Variants in DLGAP2 observed in about 807,000 individuals in gnomAD.
DLGAP2 encodes the protein disks large-associated protein 2.
Under a neutral mutation model 100.3 loss-of-function variants are expected in DLGAP2, and 26 were observed. The ratio of observed to expected loss-of-function variants is 0.26; its 90% CI spans 0.19 to 0.36. The LOEUF is 0.36. Among genes scored for constraint, DLGAP2 ranks in the 10% least tolerant of loss-of-function variants. The pLI, the probability that DLGAP2 is intolerant of heterozygous loss-of-function variation, is 1.00. For synonymous variants in DLGAP2, 886 were observed against 630.1 expected, an observed-to-expected ratio of 1.41 and a Z score of -6.08; for missense variants, 1,858 against 1,453.2, an observed-to-expected ratio of 1.28 and a Z score of -4.53.
intron 8 of DLGAP2, among the ~76,000 whole-genome samples, chr8:1,633,627 A>G (rs1401515270): frequency 4.6e-5 from 7 of 152,212 alleles, no homozygotes; most frequent in African/African-American, 1.4e-4. Flanking sequence ...TCACTGCCTA[A>G]TATTTTACTG....
intron 2 of DLGAP2, among the ~76,000 whole-genome samples, chr8:930,466 CA>C (rs2129003263): frequency 6.6e-6 from 1 of 152,312 alleles, no homozygotes; most frequent in East Asian, 1.9e-4. Flanking sequence ...CATCAGAAGC[CA>C]GGGGGTGAGA....
intron 1 of DLGAP2, among the ~76,000 whole-genome samples, chr8:827,638 A>T (rs1241140884): frequency 6.6e-6 from 1 of 152,252 alleles, no homozygotes; most frequent in Non-Finnish European, 1.5e-5. Flanking sequence ...TTGAAATAAG[A>T]TAAATGATAG....
At chr8:1,536,340 C>T (rs931400793) in intron 4 of DLGAP2, among the ~76,000 whole-genome samples, 3 of 152,048 alleles carry the variant, frequency 2.0e-5, no homozygotes, top group South Asian at 4.1e-4. Context: ...AGCACCATGC[C>T]GACGACCATG....
intron 3 of DLGAP2, among the ~76,000 whole-genome samples, chr8:1,284,802 G>T (rs1051789318): frequency 5.9e-5 from 9 of 152,096 alleles, no homozygotes; most frequent in Non-Finnish European, 2.9e-5. Context: ...TGAGAGATGA[G>T]GTCTCACTGT....
At chr8:1,202,643 G>A (rs530614108) in intron 2 of DLGAP2, among the ~76,000 whole-genome samples, 2 of 152,260 alleles carry the variant, frequency 1.3e-5, no homozygotes, top group East Asian at 1.9e-4. Flanking sequence ...GGGGATGGGG[G>A]GCCAGGCAAT....
In DLGAP2 at chr8:1,467,213, C is replaced by T. The variant is rs142875175; in HGVS notation, c.107-34153C>T. On this transcript the variant is annotated intron_variant, in intron 3 of 14. Coordinates refer to ENST00000637795, the MANE Select transcript of DLGAP2 (RefSeq NM_001346810.2). ...GGAGGTCTCTCATCGTCATGCATGG[C>T]TTCTCTGTTGGATGTCACTGAGTGT... Among the ~76,000 whole-genome samples the T allele has an allele frequency of 9.2e-3, 1,314 of 143,132 alleles. 27 individuals are homozygous for T. Among genetic ancestry groups the T allele is most frequent in the African/African-American group, 0.038 (1,264 of 33,114 alleles). The allele number at this position is 143,132 out of a possible 152,430, so 93.9% of individuals were successfully genotyped here. A position where few individuals can be genotyped will look rare whatever the true frequency, so the allele number is the denominator to read the frequency against.
intron 2 of DLGAP2, among the ~76,000 whole-genome samples, chr8:1,209,200 A>ACTAACACT (rs1482378605): frequency 6.6e-6 from 1 of 152,316 alleles, no homozygotes; most frequent in Non-Finnish European, 1.5e-5. Flanking sequence ...CCAAAGCAAG[A>ACTAACACT]CTAAGCAAAA....
intron 8 of DLGAP2, among the ~76,000 whole-genome samples, chr8:1,636,093 A>G (rs1301883486): frequency 6.6e-6 from 1 of 152,240 alleles, no homozygotes; most frequent in Non-Finnish European, 1.5e-5. Flanking sequence ...GTGGTTTTGA[A>G]AACATCTAAC....
chr8:921,696 A>T (rs921239365), intron 2 of DLGAP2, among the ~76,000 whole-genome samples: 6 of 152,218 alleles, frequency 3.9e-5, no homozygotes, highest in Admixed American at 3.9e-4. Context: ...CCACCCAGCC[A>T]TCCTCCACCC....
intron 12 of DLGAP2, 111 bp downstream of exon 12, chr8:1,678,740 G>T (rs2293906): frequency 0.25 from 310,486 of 1,217,950 alleles, 47,848 homozygotes; most frequent in African/African-American, 0.58. Context: ...TTCAAGTGAA[G>T]GGAAATAAAT....
At chr8:1,434,943 A>G (rs1797572062) in intron 3 of DLGAP2, among the ~76,000 whole-genome samples, 1 of 152,162 alleles carries the variant, frequency 6.6e-6, no homozygotes, top group South Asian at 2.1e-4. Context: ...TGCATGTCAC[A>G]TGCCTCTGGC....
chr8:1,341,131 A>G (rs930908718), intron 3 of DLGAP2, among the ~76,000 whole-genome samples: 3 of 152,212 alleles, frequency 2.0e-5, no homozygotes, highest in African/African-American at 7.2e-5. Context: ...ACTAATTGAT[A>G]GTAGGCTTAA....
chr8:1,293,683 G>A (rs1800108501), intron 3 of DLGAP2, among the ~76,000 whole-genome samples: 1 of 152,152 alleles, frequency 6.6e-6, no homozygotes, highest in Non-Finnish European at 1.5e-5. Flanking sequence ...AGAAGTCAGA[G>A]GAACAGTGCC....
chr8:1,574,011 G>C (rs564860901), intron 6 of DLGAP2, among the ~76,000 whole-genome samples: 1 of 152,138 alleles, frequency 6.6e-6, no homozygotes, highest in Non-Finnish European at 1.5e-5. Flanking sequence ...GGGAGCTCCA[G>C]GCTTGTCTCC....
intron 2 of DLGAP2, among the ~76,000 whole-genome samples, chr8:919,883 G>A (rs149818079): frequency 1.1e-3 from 164 of 152,278 alleles, no homozygotes; most frequent in African/African-American, 3.5e-3. Flanking sequence ...CTTTAAAATG[G>A]AAATGTCTTT....
At chr8:1,288,220 TAGG>T (rs1411056835) in intron 3 of DLGAP2, among the ~76,000 whole-genome samples, 10 of 86,400 alleles carry the variant, frequency 1.2e-4, no homozygotes, top group East Asian at 8.2e-4. Flanking sequence ...TGTGTGTGGT[TAGG>T]AGGGGAACTA....
chr8:1,533,374 C>T lies in DLGAP2; in HGVS notation c.173-15252C>T, dbSNP rs556319095. 2.6e-3 allele frequency among the ~76,000 whole-genome samples: 394 copies of T among 151,744 alleles called. 1 individual carries two copies. The highest frequency in any genetic ancestry group is 4.1e-3 in the Non-Finnish European group (278 of 67,900). ...AAAAAAAATTAGCCGGGCGTTGTGG[C>T]GGGCACCTGTAGTCCGAGCTACTCG... On this transcript the variant is annotated intron_variant, in intron 4 of 14. Coordinates refer to ENST00000637795, the MANE Select transcript of DLGAP2 (RefSeq NM_001346810.2).
chr8:968,554 T>C (rs1321539165), intron 2 of DLGAP2, among the ~76,000 whole-genome samples: 1 of 152,218 alleles, frequency 6.6e-6, no homozygotes, highest in Non-Finnish European at 1.5e-5. Context: ...TCCTGTTCCA[T>C]ACTAGCCTCC....
At chr8:1,108,040 C>T (rs752502318) in intron 2 of DLGAP2, among the ~76,000 whole-genome samples, 91 of 152,162 alleles carry the variant, frequency 6.0e-4, no homozygotes, top group Non-Finnish European at 8.2e-4. Context: ...AACCAACTTG[C>T]GTGTTTTCTT....
Sources: gnomAD v4.1 joint callset for allele counts (sites outside exome capture counted in the v4.1 genomes callset) on GRCh38, gnomAD v4.1.1 for gene constraint, MANE v1.5 for transcripts, NCBI Gene and HGNC (gene_info 2026-07-23, HGNC 2026-07-21) for gene names.